Variants in LRRK2 observed in about 807,000 individuals in gnomAD.
LRRK2 encodes the protein leucine rich repeat kinase 2.
In LRRK2, 203 loss-of-function variants were observed where a neutral mutation model predicts 302.6. The ratio of observed to expected loss-of-function variants is 0.67; its 90% CI spans 0.60 to 0.75. LRRK2 has a LOEUF of 0.75. Among genes scored for constraint, LRRK2 ranks in the 30% least tolerant of loss-of-function variants. The pLI is 0.00. For missense variants in LRRK2, 2,830 were observed against 2,951.0 expected (o/e 0.96, Z 0.95); for synonymous variants, 1,066 against 1,031.9 (o/e 1.03, Z -0.63).
intron 14 of LRRK2, among the ~76,000 whole-genome samples, chr12:40,264,425 C>A (rs1942916736): frequency 6.6e-6 from 1 of 152,130 alleles, no homozygotes; most frequent in Non-Finnish European, 1.5e-5. Flanking sequence ...TCGAGAGCAA[C>A]CTGGCCAACA....
intron 38 of LRRK2, among the ~76,000 whole-genome samples, chr12:40,328,115 G>T (rs967140886): frequency 1.3e-5 from 2 of 152,154 alleles, no homozygotes; most frequent in Non-Finnish European, 2.9e-5. Flanking sequence ...AGTCACAGAA[G>T]TGGATGACAT....
At chr12:40,346,474 CT>C (rs1946193539) in intron 41 of LRRK2, among the ~76,000 whole-genome samples, 1 of 151,938 alleles carries the variant, frequency 6.6e-6, no homozygotes, top group Non-Finnish European at 1.5e-5. Flanking sequence ...AATGTTTATC[CT>C]TATTATCATT....
intron 8 of LRRK2, 84 bp from the exon 9 acceptor site, chr12:40,251,148 T>A (rs1370852345): frequency 1.1e-6 from 1 of 951,658 alleles, no homozygotes; most frequent in African/African-American, 1.7e-5. Context: ...TTGGTAATAT[T>A]TCAAAATATG....
Position 40,267,147 on chromosome 12 carries a change from G to A in LRRK2, c.1656+3246G>A, listed in dbSNP as rs141696029. On this transcript the variant is annotated intron_variant, in intron 14 of 50. Transcript: ENST00000298910. ...TTAAAGTATAATTAAAAAAAAATGTGCATGCTCCATACAGGGGCAATTCCC... is the reference window on the plus strand; with the variant it reads ...TTAAAGTATAATTAAAAAAAAATGTACATGCTCCATACAGGGGCAATTCCC... Among the ~76,000 whole-genome samples, 13 of 152,196 alleles carry A rather than the reference G, an allele frequency of 8.5e-5. No homozygotes were observed. In the East Asian group the frequency reaches 2.5e-3, roughly 29 times the overall value.
At chr12:40,292,901 C>A (rs922643315) in intron 20 of LRRK2, among the ~76,000 whole-genome samples, 14 of 151,762 alleles carry the variant, frequency 9.2e-5, no homozygotes, top group African/African-American at 3.1e-4. Flanking sequence ...TTATTGCCAG[C>A]CAAATTTATT....
intron 27 of LRRK2, among the ~76,000 whole-genome samples, chr12:40,305,179 C>CA (rs1944772846): frequency 6.6e-6 from 1 of 152,098 alleles, no homozygotes; most frequent in African/African-American, 2.4e-5. Context: ...GTATTGCCTA[C>CA]AAAAACCAAA....
At position 40,309,937 on chromosome 12, in the gene LRRK2, G is replaced by A. The variant is rs562059564; in HGVS notation, c.4318-494G>A. On this transcript the variant is annotated intron_variant, in intron 30 of 50. Coordinates refer to ENST00000298910, the MANE Select transcript of LRRK2 (RefSeq NM_198578.4). ...ATTAACTTTTTTACAGCTAGCCAAC[G>A]TGAGCAAATAGTACAGTGGCAGTCA... is the stretch of plus-strand genomic sequence containing the variant. Among the ~76,000 whole-genome samples, 4 of 152,242 alleles carry A rather than the reference G, an allele frequency of 2.6e-5. No individual in the cohort carries two copies. The East Asian group carries it at 7.7e-4, about 29-fold the overall frequency.
At chr12:40,306,571 T>G (rs1223860666) in intron 28 of LRRK2, among the ~76,000 whole-genome samples, 2 of 152,182 alleles carry the variant, frequency 1.3e-5, no homozygotes, top group African/African-American at 2.4e-5. Flanking sequence ...TATTACTTTC[T>G]CATAAAATCC....
At chr12:40,323,709 CAG>C (rs948083506) in intron 38 of LRRK2, among the ~76,000 whole-genome samples, 20 of 151,862 alleles carry the variant, frequency 1.3e-4, no homozygotes, top group African/African-American at 4.8e-4. Context: ...TTTTATGACT[CAG>C]TGTGACAATG....
rs36111759 is a variant in LRRK2 at position 40,311,964 on chromosome 12, GT to G, written c.4536+1325del. Reference sequence around the variant, plus strand: ...ATCCAATTAATCTCTTAATCCAGGTGTTTTTTTTTTCTGAGACTATACCCAT... The same window carrying G: ...ATCCAATTAATCTCTTAATCCAGGTGTTTTTTTTTCTGAGACTATACCCAT... On this transcript the variant is annotated intron_variant, in intron 31 of 50. Coordinates refer to ENST00000298910, the MANE Select transcript of LRRK2 (RefSeq NM_198578.4). Among the ~76,000 whole-genome samples the G allele has an allele frequency of 8.0e-5, 12 of 149,546 alleles. No individual in the cohort carries two copies. In the South Asian group the frequency reaches 8.4e-4, roughly 10 times the overall value.
intron 14 of LRRK2, among the ~76,000 whole-genome samples, chr12:40,270,129 G>C (rs1943173567): frequency 1.3e-5 from 2 of 151,976 alleles, no homozygotes; most frequent in African/African-American, 4.8e-5. Context: ...TATAATGCTT[G>C]GCACATAGTA....
intron 49 of LRRK2, 175 bp from the exon 50 acceptor site, chr12:40,366,831 T>C: frequency 9.2e-6 from 5 of 542,848 alleles, no homozygotes; most frequent in South Asian, 4.2e-5. Flanking sequence ...ATTTTGTTAT[T>C]TTTTAAAAAA....
At chr12:40,251,722 A>G (rs1942282885) in intron 10 of LRRK2, among the ~76,000 whole-genome samples, 178 bp downstream of exon 10, 1 of 152,202 alleles carries the variant, frequency 6.6e-6, no homozygotes, top group Non-Finnish European at 1.5e-5. Context: ...CACCTTCAGG[A>G]GTTAGAAAAG....
At chr12:40,358,017 C>T (rs1375686309) in intron 46 of LRRK2, among the ~76,000 whole-genome samples, 1 of 151,992 alleles carries the variant, frequency 6.6e-6, no homozygotes, top group Admixed American at 6.5e-5. Context: ...ATCCTCCTGC[C>T]TCATCTTCTC....
At chr12:40,292,151 G>A (rs1489122142) in intron 20 of LRRK2, among the ~76,000 whole-genome samples, 1 of 151,954 alleles carries the variant, frequency 6.6e-6, no homozygotes, top group South Asian at 2.1e-4. Flanking sequence ...AAAGCCATGA[G>A]ACTGTTTAAA....
intron 41 of LRRK2, among the ~76,000 whole-genome samples, chr12:40,345,622 C>CAAAAAAAAAAAAAAAAAAAAA (rs144415226): frequency 1.5e-5 from 1 of 67,528 alleles, no homozygotes; most frequent in Non-Finnish European, 2.6e-5. Flanking sequence ...GACTCCATCT[C>CAAAAAAAAAAAAAAAAAAAAA]AAAAAAAAAA....
chr12:40,356,808 C>T (rs930966288), intron 46 of LRRK2, among the ~76,000 whole-genome samples: 1 of 152,004 alleles, frequency 6.6e-6, no homozygotes, highest in Non-Finnish European at 1.5e-5. Flanking sequence ...CGAATATGAC[C>T]TAAATTTTTT....
intron 25 of LRRK2, among the ~76,000 whole-genome samples, chr12:40,302,135 G>A (rs999157522): frequency 1.3e-5 from 2 of 151,964 alleles, no homozygotes; most frequent in African/African-American, 2.4e-5. Context: ...CTGAGATCAC[G>A]CTACTGCACT....
chr12:40,349,037 A>G (rs1946277832), intron 43 of LRRK2, among the ~76,000 whole-genome samples: 1 of 151,998 alleles, frequency 6.6e-6, no homozygotes, highest in African/African-American at 2.4e-5. Context: ...TTTACCTGCA[A>G]TTTCTTCAAA....
Sources: gnomAD v4.1 joint callset for allele counts (sites outside exome capture counted in the v4.1 genomes callset) on GRCh38, gnomAD v4.1.1 for gene constraint, MANE v1.5 for transcripts, NCBI Gene and HGNC (gene_info 2026-07-23, HGNC 2026-07-21) for gene names.